Variants in ADAM15 observed in about 807,000 individuals in gnomAD.
ADAM15 encodes disintegrin and metalloproteinase domain-containing protein 15.
ADAM15 carries 77 observed loss-of-function variants against 113.8 expected under a neutral mutation model. The ratio of observed to expected loss-of-function variants is 0.68; its 90% CI spans 0.56 to 0.82. The LOEUF is 0.82. Among genes scored for constraint, ADAM15 ranks in the 40% least tolerant of loss-of-function variants. ADAM15 has a pLI of 0.00. For missense variants in ADAM15, 963 were observed against 1,120.1 expected (o/e 0.86, Z 2.00); for synonymous variants, 388 against 454.1 (o/e 0.85, Z 1.85).
Position 155,062,648 on chromosome 1 carries a change from A to C in ADAM15, c.*146A>C. ...GCACCGCCACGCGCTGTCAAGCAAC[A>C]CTCTGCGGACCTGCCGGCGTAGTTG... On this transcript the variant is annotated 3_prime_UTR_variant, in exon 23 of 23. Transcript: ENST00000356955. The surrounding 1 kb of genome is among the most constrained non-coding windows in gnomAD (Gnocchi z 7.0). 8.7e-7 allele frequency: 1 copy of C among 1,144,990 alleles called. No individual in the cohort carries two copies. The highest frequency in any genetic ancestry group is 1.2e-6 in the Non-Finnish European group (1 of 818,462). The allele number at this position is 1,144,990 out of a possible 1,614,324, so 70.9% of individuals were successfully genotyped here.
chr1:155,057,561 GGGA>G lies in ADAM15; in HGVS notation c.1324-68_1324-66del, dbSNP rs1157241027. ...TGTGTAGCTTCTGGTCTTGGCCTGT[GGGA>G]GGAGGAGAGATTGGAGGGAGGCTCA... On this transcript the variant is annotated intron_variant, in intron 12 of 22. Coordinates refer to ENST00000356955, the MANE Select transcript of ADAM15 (RefSeq NM_207197.3). This position sits in a 1 kb window ranked among gnomAD's most constrained non-coding sequence, Gnocchi z 5.0. 8 of 1,566,344 alleles carry G rather than the reference GGGA, an allele frequency of 5.1e-6. No homozygotes were observed. The highest frequency in any genetic ancestry group is 1.4e-5 in the African/African-American group (1 of 74,072).
intron 1 of ADAM15, chr1:155,051,679 G>C (rs1417978679): frequency 8.7e-6 from 4 of 458,822 alleles, no homozygotes; most frequent in Non-Finnish European, 1.5e-5. Flanking sequence ...CCTGCCTCCT[G>C]CCTGGTCATC....
At position 155,058,015 on chromosome 1, in the gene ADAM15, T is replaced by C. The variant is rs1244178021; in HGVS notation, c.1581T>C (p.Tyr527=). 1 of 1,613,932 alleles carries C rather than the reference T, an allele frequency of 6.2e-7. No individual in the cohort carries two copies. The change falls in exon 14 of 23, where the codon TAT becomes TAC. Residue 527 remains tyrosine (Y), a synonymous_variant. Coordinates refer to ENST00000356955, the MANE Select transcript of ADAM15 (RefSeq NM_207197.3). The surrounding 1 kb of genome is among the most constrained non-coding windows in gnomAD (Gnocchi z 4.3). Reference sequence around the variant, plus strand: ...GCATGCACGGGCGTTGTGCCTCCTATGCCCAGCAGTGCCAGTCACTTTGGG... The same window carrying C: ...GCATGCACGGGCGTTGTGCCTCCTACGCCCAGCAGTGCCAGTCACTTTGGG... The part of the protein sequence containing the change: ...AVCMHGRCAS[Y]AQQCQSLWGP...
At chr1:155,051,533 T>TTAGGGTAA (rs1661015068) in intron 1 of ADAM15, 68 bp downstream of exon 1, 1 of 1,403,548 alleles carries the variant, frequency 7.1e-7, no homozygotes, top group East Asian at 3.0e-5. Flanking sequence ...TCGGAAGGCA[T>TTAGGGTAA]TAGGGTAATG....
intron 18 of ADAM15, 57 bp from the exon 19 acceptor site, chr1:155,060,706 G>T: frequency 1.3e-6 from 2 of 1,563,914 alleles, no homozygotes; most frequent in Non-Finnish European, 1.8e-6. Flanking sequence ...ATGGCATATG[G>T]TAGAAAACAG....
Position 155,062,581 on chromosome 1 carries a change from T to G in ADAM15, c.*79T>G. The G allele has an allele frequency of 6.4e-7, 1 of 1,550,406 alleles. No individual in the cohort carries two copies. Among genetic ancestry groups the G allele is most frequent in the Admixed American group, 1.9e-5 (1 of 52,944 alleles). ...GCGTGCCCTCTGGAGTCCCCTACCA[T>G]GACTGAAGGCGCCAGAGACTGGCGG... On this transcript the variant is annotated 3_prime_UTR_variant, in exon 23 of 23. Transcript: ENST00000356955. This position sits in a 1 kb window ranked among gnomAD's most constrained non-coding sequence, Gnocchi z 7.0.
At position 155,054,853 on chromosome 1, in the gene ADAM15, G is replaced by C. The variant is rs185910762; in HGVS notation, c.612+347G>C. Among the ~76,000 whole-genome samples the C allele has an allele frequency of 1.4e-4, 21 of 152,254 alleles. No homozygotes were observed. The East Asian group carries it at 4.0e-3, about 29-fold the overall frequency. The stretch of plus-strand genomic sequence containing the variant: ...CCACTACACACCAGCCTGGGTGAAA[G>C]AGTGAGACCTCGTCTCAAAAAATAA... On this transcript the variant is annotated intron_variant, in intron 6 of 22. Coordinates refer to ENST00000356955, the MANE Select transcript of ADAM15 (RefSeq NM_207197.3).
intron 20 of ADAM15, 108 bp downstream of exon 20, chr1:155,061,597 CG>C (rs1202162608): frequency 4.1e-6 from 5 of 1,228,098 alleles, no homozygotes; most frequent in African/African-American, 1.5e-5. Context: ...ATTAGGTGAT[CG>C]GGGTGCCCCT....
intron 16 of ADAM15, 54 bp from the exon 17 acceptor site, chr1:155,059,843 GAGACA>G: frequency 6.4e-7 from 1 of 1,558,190 alleles, no homozygotes; most frequent in Non-Finnish European, 8.8e-7. Context: ...TGAAAAGCTA[GAGACA>G]AGGAAATAGT....
At position 155,059,891 on chromosome 1, in the gene ADAM15, G is replaced by T; in HGVS notation, c.1996-11G>T. On this transcript the variant is annotated splice_polypyrimidine_tract_variant and intron_variant, in intron 16 of 22. Transcript: ENST00000356955. ...TGCAGAGCTCCTCATTGCTCGCCTT[G>T]TACCTCCTAGGTCTGTGACAGCAAC... 1 of 1,613,584 alleles carries T rather than the reference G, an allele frequency of 6.2e-7. No homozygotes were observed. Among genetic ancestry groups the T allele is most frequent in the Middle Eastern group, 1.7e-4 (1 of 6,060 alleles).
At position 155,062,471 on chromosome 1, in the gene ADAM15, C is replaced by T. The variant is rs1430925426; in HGVS notation, c.2561C>T (p.Pro854Leu). ...PLVVPSRPAPPPPTVSSLYL is the reference protein window; with the variant it reads ...PLVVPSRPAPLPPTVSSLYL Reference sequence around the variant, plus strand: ...TTCCCGCAATCCAGACCAGCGCCACCGCCTCCGACAGTGTCCTCGCTCTAC... The same window carrying T: ...TTCCCGCAATCCAGACCAGCGCCACTGCCTCCGACAGTGTCCTCGCTCTAC... Residue 854 changes from proline (P) to leucine (L), a missense_variant, in exon 23 of 23, where the codon CCG becomes CTG. Physicochemically the swap from Pro to Leu is moderately conservative, Grantham distance 98. Coordinates refer to ENST00000356955, the MANE Select transcript of ADAM15 (RefSeq NM_207197.3). This position sits in a 1 kb window ranked among gnomAD's most constrained non-coding sequence, Gnocchi z 7.0. 1 of 1,613,424 alleles carries T rather than the reference C, an allele frequency of 6.2e-7. No individual in the cohort carries two copies.
intron 3 of ADAM15, 86 bp from the exon 4 acceptor site, chr1:155,053,824 C>G (rs1661410711): frequency 6.7e-7 from 1 of 1,503,268 alleles, no homozygotes; most frequent in Non-Finnish European, 9.1e-7. Context: ...TGGTCCCCAG[C>G]CCCACAACCA....
In ADAM15 at chr1:155,057,706, G is replaced by A. The variant is rs578061953; in HGVS notation, c.1393G>A (p.Gly465Arg). 11 of 1,614,156 alleles carry A rather than the reference G, an allele frequency of 6.8e-6. No individual in the cohort carries two copies. Among genetic ancestry groups the A allele is most frequent in the African/African-American group, 1.3e-5 (1 of 75,020 alleles). ...GCCAGGTGCACAGTGTGCATCTGACGGACCCTGTTGTCAAAATTGCCAGGT... is the reference window on the plus strand; with the variant it reads ...GCCAGGTGCACAGTGTGCATCTGACAGACCCTGTTGTCAAAATTGCCAGGT... ...LRPGAQCASD[G>R]PCCQNCQLRP... is the part of the protein sequence containing the mutation. The change falls in exon 13 of 23, where the codon GGA becomes AGA. Residue 465 changes from glycine (G) to arginine (R), a missense_variant. Gly to Arg is a moderately radical substitution (Grantham distance 125). Transcript: ENST00000356955. The surrounding 1 kb of genome is among the most constrained non-coding windows in gnomAD (Gnocchi z 5.0).
At chr1:155,052,567 AG>A in intron 1 of ADAM15, 103 bp from the exon 2 acceptor site, 1 of 1,551,014 alleles carries the variant, frequency 6.4e-7, no homozygotes, top group African/African-American at 1.4e-5. Context: ...CAGGTACCTA[AG>A]GGTCTTGATG....
At chr1:155,059,871 A>G (rs1662329661) in intron 16 of ADAM15, 31 bp from the exon 17 acceptor site, 2 of 1,608,216 alleles carry the variant, frequency 1.2e-6, no homozygotes, top group African/African-American at 1.3e-5. Context: ...CAGAGTGCAG[A>G]GCTCCTCATT....
Position 155,056,218 on chromosome 1 carries a change from C to G in ADAM15, c.883C>G (p.Arg295Gly), listed in dbSNP as rs772653499. The change falls in exon 9 of 23, where the codon CGA (arginine) becomes GGA (glycine). Residue 295 changes from arginine (R) to glycine (G), a missense_variant. Arg to Gly is a moderately radical substitution (Grantham distance 125, BLOSUM62 -2). Transcript: ENST00000356955. The surrounding 1 kb of genome is among the most constrained non-coding windows in gnomAD (Gnocchi z 4.0). ...LHWRRAHLLP[R>G]LPHDSAQLVT... ...CTGGCGCAGGGCACATTTGCTGCCT[C>G]GATTGCCCCATGACAGTGCCCAGCT... 1 of 1,613,994 alleles carries G rather than the reference C, an allele frequency of 6.2e-7. No individual in the cohort carries two copies. The highest frequency in any genetic ancestry group is 2.2e-5 in the East Asian group (1 of 44,892).
intron 16 of ADAM15, among the ~76,000 whole-genome samples, chr1:155,059,153 T>A (rs751101096): frequency 2.3e-4 from 35 of 152,122 alleles, no homozygotes; most frequent in Admixed American, 3.3e-4. Context: ...CTGCAACCTC[T>A]GCCTCCCAGG....
Position 155,061,432 on chromosome 1 carries a change from C to G in ADAM15, c.2295C>G (p.Ser765Arg), listed in dbSNP as rs778037610. ...ARGTKQASAL[S>R]FPAPPSRPLP... ...CCTCTCAGCAGGCTAGTGCTCTCAG[C>G]TTCCCGGCCCCCCCTTCCAGGCCGC... Residue 765 changes from serine to arginine, a missense_variant, in exon 20 of 23, where the codon AGC becomes AGG. By Grantham distance (110) the Ser-to-Arg change is moderately radical (BLOSUM62 -1). Transcript: ENST00000356955. 1.2e-6 allele frequency: 2 copies of G among 1,613,824 alleles called. No individual in the cohort carries two copies. The highest frequency in any genetic ancestry group is 2.2e-5 in the South Asian group (2 of 91,022).
In ADAM15 at chr1:155,056,958, C is replaced by T. The variant is rs1661844267; in HGVS notation, c.1005C>T (p.His335=). 1 of 1,560,414 alleles carries T rather than the reference C, an allele frequency of 6.4e-7. No individual in the cohort carries two copies. Among genetic ancestry groups the T allele is most frequent in the Non-Finnish European group, 8.7e-7 (1 of 1,154,642 alleles). Reference sequence around the variant, plus strand: ...GTACCCCTCCCCAATGACAGGACCACTCCACCAGCATCCTGGGAGTCGCCT... The same window carrying T: ...GTACCCCTCCCCAATGACAGGACCATTCCACCAGCATCCTGGGAGTCGCCT... The part of the protein sequence containing the change: ...PDFSGGVNMD[H]STSILGVASS... The change falls in exon 11 of 23, where the codon CAC becomes CAT. Residue 335 remains histidine, a synonymous_variant. Coordinates refer to ENST00000356955, the MANE Select transcript of ADAM15 (RefSeq NM_207197.3). This position sits in a 1 kb window ranked among gnomAD's most constrained non-coding sequence, Gnocchi z 4.0.
Sources: allele counts gnomAD v4.1 joint callset (sites outside exome capture counted in the v4.1 genomes callset), GRCh38; gene constraint gnomAD v4.1.1; non-coding constraint Gnocchi (gnomAD v3.1); transcripts MANE v1.5; gene names NCBI Gene and HGNC (gene_info 2026-07-23, HGNC 2026-07-21).